Variants in PBX1 observed in about 807,000 individuals in gnomAD.
PBX1 encodes the protein pre-B-cell leukemia transcription factor 1.
In PBX1, 6 loss-of-function variants were observed where a neutral mutation model predicts 53.4. The ratio of observed to expected loss-of-function variants is 0.11; its 90% CI spans 0.06 to 0.22. The LOEUF (loss-of-function observed/expected upper bound fraction) is 0.22, where lower values mean the gene tolerates loss of function less well. Among genes scored for constraint, PBX1 ranks in the 10% least tolerant of loss-of-function variants. The probability of loss-of-function intolerance (pLI) is 1.00; values close to 1 mark genes in which losing one functional copy is unlikely to be tolerated. For missense variants in PBX1, 251 were observed against 551.4 expected (o/e 0.46, Z 5.46); for synonymous variants, 204 against 212.3 (o/e 0.96, Z 0.34).
intron 2 of PBX1, among the ~76,000 whole-genome samples, chr1:164,601,365 A>T (rs998641587): frequency 2.6e-5 from 4 of 152,138 alleles, no homozygotes; most frequent in Admixed American, 2.0e-4. Flanking sequence ...ATTTTGATGA[A>T]ACAGAAAGGA....
chr1:164,617,179 A>T (rs1031839027), intron 2 of PBX1, among the ~76,000 whole-genome samples: 1 of 152,206 alleles, frequency 6.6e-6, no homozygotes, highest in Non-Finnish European at 1.5e-5. Context: ...GTGGCTACTC[A>T]ACCCAGTTGG....
chr1:164,646,600 A>C lies in PBX1; in HGVS notation c.265+83289A>C, dbSNP rs549106759. ...CTGAATGCAAAAAAGACTTGGGGACACCAAGTCTTCAGGAGAGATAATAGG... is the reference window on the plus strand; with the variant it reads ...CTGAATGCAAAAAAGACTTGGGGACCCCAAGTCTTCAGGAGAGATAATAGG... On this transcript the variant is annotated intron_variant, in intron 2 of 8. Coordinates refer to ENST00000420696, the MANE Select transcript of PBX1 (RefSeq NM_002585.4). Among the ~76,000 whole-genome samples the C allele has an allele frequency of 1.8e-4, 28 of 152,292 alleles. 2 individuals carry two copies. In the South Asian group the frequency reaches 5.6e-3, roughly 30 times the overall value.
At chr1:164,750,701 T>A (rs1322588074) in intron 2 of PBX1, among the ~76,000 whole-genome samples, 1 of 152,166 alleles carries the variant, frequency 6.6e-6, no homozygotes. Flanking sequence ...GGGTTCTTTT[T>A]AAAAACCATT....
chr1:164,834,029 A>ATGTGTG (rs35739146), intron 8 of PBX1, among the ~76,000 whole-genome samples: 3,195 of 128,248 alleles, frequency 0.025, 64 homozygotes, highest in African/African-American at 0.034. Context: ...ATATATGTAT[A>ATGTGTG]TGTGTGTGTG....
intron 2 of PBX1, among the ~76,000 whole-genome samples, chr1:164,612,158 A>T (rs900486197): frequency 2.6e-5 from 4 of 152,096 alleles, no homozygotes; most frequent in Non-Finnish European, 5.9e-5. Context: ...GGTGTATTGC[A>T]CTGAAGTTGG....
chr1:164,661,943 T>C (rs551324593), intron 2 of PBX1, among the ~76,000 whole-genome samples: 1 of 152,280 alleles, frequency 6.6e-6, no homozygotes, highest in African/African-American at 2.4e-5. Flanking sequence ...ATGGAGGGCA[T>C]CAATTGCCTA....
Position 164,736,880 on chromosome 1 carries a change from C to G in PBX1, c.266-55614C>G, listed in dbSNP as rs565144523. Among the ~76,000 whole-genome samples, 5 of 152,264 alleles carry G rather than the reference C, an allele frequency of 3.3e-5. 1 individual carries two copies. The highest frequency in any genetic ancestry group is 1.2e-4 in the African/African-American group (5 of 41,550). On this transcript the variant is annotated intron_variant, in intron 2 of 8. Transcript: ENST00000420696. ...TTTAAATGAAGGCTAGAGTTTCACT[C>G]TATTAAAAGAAAGGAGAGTGGGAAT...
Position 164,806,615 on chromosome 1 carries a change from G to GT in PBX1, c.702-927_702-926insT, listed in dbSNP as rs1238022638. Reference sequence around the variant, plus strand: ...GAAGAGAGAGATTGGGTTTTGTAGTGGTCAGACCTGAATTAATACCTTAGC... The same window carrying GT: ...GAAGAGAGAGATTGGGTTTTGTAGTGTGTCAGACCTGAATTAATACCTTAGC... On this transcript the variant is annotated intron_variant, in intron 4 of 8. Transcript: ENST00000420696. Among the ~76,000 whole-genome samples the GT allele has an allele frequency of 6.6e-4, 101 of 152,304 alleles. 1 individual carries two copies. Among genetic ancestry groups the GT allele is most frequent in the Middle Eastern group, 3.4e-3 (1 of 292 alleles).
At chr1:164,761,823 A>G (rs1362992992) in intron 2 of PBX1, among the ~76,000 whole-genome samples, 1 of 152,184 alleles carries the variant, frequency 6.6e-6, no homozygotes. Flanking sequence ...TATTTGGATC[A>G]GTGTGAGGGA....
intron 2 of PBX1, among the ~76,000 whole-genome samples, chr1:164,624,507 A>G (rs1193084607): frequency 6.6e-6 from 1 of 152,168 alleles, no homozygotes; most frequent in East Asian, 1.9e-4. Flanking sequence ...TAACATGGTG[A>G]TTCTCAATTT....
intron 2 of PBX1, among the ~76,000 whole-genome samples, chr1:164,652,397 C>T (rs1048628024): frequency 2.0e-5 from 3 of 152,136 alleles, no homozygotes; most frequent in Admixed American, 2.0e-4. Flanking sequence ...TTCTATATAA[C>T]CTTGTGTCAT....
At chr1:164,642,440 G>T (rs1263455439) in intron 2 of PBX1, among the ~76,000 whole-genome samples, 1 of 152,182 alleles carries the variant, frequency 6.6e-6, no homozygotes, top group Non-Finnish European at 1.5e-5. Flanking sequence ...TTTTCATATG[G>T]AGAAGCATCC....
intron 8 of PBX1, among the ~76,000 whole-genome samples, chr1:164,838,781 G>C (rs1671161393): frequency 1.3e-5 from 2 of 152,002 alleles, no homozygotes; most frequent in Non-Finnish European, 2.9e-5. Context: ...AGTTATGCTG[G>C]GCACCTGCAG....
intron 8 of PBX1, among the ~76,000 whole-genome samples, chr1:164,821,894 G>A (rs16835206): frequency 0.013 from 1,920 of 152,266 alleles, 47 homozygotes; most frequent in African/African-American, 0.044. Flanking sequence ...CATGCGTTCA[G>A]CTAGAGGAGC....
At chr1:164,581,551 C>T (rs1342362748) in intron 2 of PBX1, among the ~76,000 whole-genome samples, 1 of 152,016 alleles carries the variant, frequency 6.6e-6, no homozygotes, top group Admixed American at 6.5e-5. Context: ...TGGGTGTTTT[C>T]AGTTTTGAGG....
intron 2 of PBX1, among the ~76,000 whole-genome samples, chr1:164,874,051 C>T (rs1048034848): frequency 8.6e-5 from 13 of 150,320 alleles, no homozygotes; most frequent in Non-Finnish European, 1.2e-4. Flanking sequence ...GAGGAGAGGG[C>T]ACACACCTTT....
chr1:164,721,088 T>C (rs1383535433), intron 2 of PBX1, among the ~76,000 whole-genome samples: 1 of 152,180 alleles, frequency 6.6e-6, no homozygotes, highest in Non-Finnish European at 1.5e-5. Flanking sequence ...AGTGTACGTG[T>C]CTATAAAGGT....
intron 2 of PBX1, among the ~76,000 whole-genome samples, chr1:164,868,032 A>G (rs1353113847): frequency 6.6e-6 from 1 of 152,178 alleles, no homozygotes; most frequent in Non-Finnish European, 1.5e-5. Flanking sequence ...CTATTCTCAA[A>G]ACAGACAAAT....
chr1:164,610,608 G>T (rs984655937), intron 2 of PBX1, among the ~76,000 whole-genome samples: 6 of 152,054 alleles, frequency 3.9e-5, no homozygotes, highest in Non-Finnish European at 8.8e-5. Flanking sequence ...CAAACAAGCA[G>T]AATACCAGGA....
Sources: gnomAD v4.1 joint callset for allele counts (sites outside exome capture counted in the v4.1 genomes callset) on GRCh38, gnomAD v4.1.1 for gene constraint, MANE v1.5 for transcripts, NCBI Gene and HGNC (gene_info 2026-07-23, HGNC 2026-07-21) for gene names.